PM20D2: variants seen among roughly 807,000 people sequenced by gnomAD.
The protein encoded by PM20D2 is peptidase M20 domain containing 2.
PM20D2 carries 33 observed loss-of-function variants against 42.9 expected under a neutral mutation model. The ratio of observed to expected loss-of-function variants is 0.77; its 90% CI spans 0.58 to 1.03. The LOEUF (loss-of-function observed/expected upper bound fraction) is 1.03, where lower values mean the gene tolerates loss of function less well. PM20D2 is among the 50% of genes least tolerant of loss of function. The pLI, the probability that PM20D2 is intolerant of heterozygous loss-of-function variation, is 0.00. For synonymous variants in PM20D2, 250 were observed against 228.2 expected (o/e 1.10, Z -0.86); for missense variants, 548 against 557.0 (o/e 0.98, Z 0.16).
the PM20D2 span, among the ~76,000 whole-genome samples, chr6:89,130,810 C>CTGCTGCTGCT: frequency 1.6e-4 from 9 of 57,626 alleles, no homozygotes; most frequent in African/African-American, 5.5e-4. Context: ...TTGTATCTGG[C>CTGCTGCTGCT]TTCTTCTTCT....
the PM20D2 span, among the ~76,000 whole-genome samples, chr6:89,114,524 G>A: frequency 6.6e-6 from 1 of 151,936 alleles, no homozygotes; most frequent in Admixed American, 6.6e-5. Context: ...CTAGTACACA[G>A]TGAGTATTCA....
At chr6:89,116,434 A>G in the PM20D2 span, among the ~76,000 whole-genome samples, 1 of 152,228 alleles carries the variant, frequency 6.6e-6, no homozygotes, top group African/African-American at 2.4e-5. Flanking sequence ...ACTAAGATAT[A>G]TTAACCACAA....
chr6:89,124,110 G>A, the PM20D2 span, among the ~76,000 whole-genome samples: 4 of 152,250 alleles, frequency 2.6e-5, no homozygotes, highest in South Asian at 6.2e-4. Context: ...CTCCAAGCCT[G>A]CTCTCTCTTA....
At chr6:89,106,262 G>A in the PM20D2 span, among the ~76,000 whole-genome samples, 5 of 139,322 alleles carry the variant, frequency 3.6e-5, no homozygotes, top group Non-Finnish European at 7.8e-5. Flanking sequence ...ACAGGTGCCC[G>A]GCACCACACC....
the PM20D2 span, among the ~76,000 whole-genome samples, chr6:89,132,613 A>C: frequency 6.6e-6 from 1 of 151,266 alleles, no homozygotes; most frequent in Non-Finnish European, 1.5e-5. Context: ...TGGGAGGCTG[A>C]GGCGGGCAGA....
chr6:89,140,513 T>A, the PM20D2 span, among the ~76,000 whole-genome samples: 1 of 152,184 alleles, frequency 6.6e-6, no homozygotes, highest in Non-Finnish European at 1.5e-5. Flanking sequence ...CTTCAAGGAC[T>A]TTAAAAGCAC....
At chr6:89,112,285 C>T in the PM20D2 span, among the ~76,000 whole-genome samples, 40 of 152,218 alleles carry the variant, frequency 2.6e-4, no homozygotes, top group Non-Finnish European at 5.0e-4. Flanking sequence ...TACACTAATT[C>T]ACAAAGCCTT....
the PM20D2 span, among the ~76,000 whole-genome samples, chr6:89,100,056 G>C: frequency 6.6e-6 from 1 of 152,042 alleles, no homozygotes; most frequent in African/African-American, 2.4e-5. Context: ...TACCAAAATG[G>C]GTGGGACACG....
chr6:89,114,372 G>A, the PM20D2 span, among the ~76,000 whole-genome samples: 1 of 152,186 alleles, frequency 6.6e-6, no homozygotes, highest in Admixed American at 6.5e-5. Flanking sequence ...AGGTTGCAGT[G>A]AGCCGAGATC....
At chr6:89,098,613 T>G in the PM20D2 span, 1 of 1,613,590 alleles carries the variant, frequency 6.2e-7, no homozygotes, top group Non-Finnish European at 8.5e-7. Context: ...CTTCGAGATC[T>G]GGAATGTGAC....
rs961093637 is a variant in PM20D2, at chr6:89,164,561, T to C, written c.*2298T>C. The C allele has an allele frequency of 7.2e-5, 11 of 152,530 alleles. No individual in the cohort carries two copies. Among genetic ancestry groups the C allele is most frequent in the African/African-American group, 2.7e-4 (11 of 41,416 alleles). 9.4% of individuals were successfully genotyped at this position (152,530 alleles called of 1,614,324 possible). ...GCGTGGACTTAAAACAAGGCTTGCT[T>C]ATTTGGTTTTGTCAAAGTTTTACGA... On this transcript the variant is annotated 3_prime_UTR_variant, in exon 7 of 7. Transcript: ENST00000275072.
chr6:89,116,904 G>A, the PM20D2 span, among the ~76,000 whole-genome samples: 1 of 152,048 alleles, frequency 6.6e-6, no homozygotes, highest in African/African-American at 2.4e-5. Context: ...TCTGGCCCCA[G>A]GTAAATCATT....
chr6:89,162,297 G>A lies in PM20D2; in HGVS notation c.*34G>A, dbSNP rs371538561. 1.1e-5 allele frequency: 17 copies of A among 1,561,558 alleles called. No homozygotes were observed. Among genetic ancestry groups the A allele is most frequent in the Admixed American group, 1.0e-4 (5 of 49,814 alleles). On this transcript the variant is annotated 3_prime_UTR_variant, in exon 7 of 7. Transcript: ENST00000275072. ...GGGGCCACTTATAAATCAAGAAGAC[G>A]TGATGATTTTTTTCTTTTAATCTCT...
At chr6:89,102,045 GA>G in the PM20D2 span, among the ~76,000 whole-genome samples, 1 of 151,020 alleles carries the variant, frequency 6.6e-6, no homozygotes, top group Non-Finnish European at 1.5e-5. Context: ...TTAGACTGAA[GA>G]AAAATGATAC....
rs1224678982 is a variant in PM20D2 at position 89,154,917 on chromosome 6, AAGTT to A, written c.912+17_912+20del. Reference sequence around the variant, plus strand: ...CAGGGTGCACAGTAAGAACTTTTAAAAGTTAATCTAAGTTACAATCAGAGGTATA... The same window carrying A: ...CAGGGTGCACAGTAAGAACTTTTAAAAATCTAAGTTACAATCAGAGGTATA... On this transcript the variant is annotated intron_variant, in intron 4 of 6. Transcript: ENST00000275072. 6.4e-7 allele frequency: 1 copy of A among 1,551,258 alleles called. No homozygotes were observed. The highest frequency in any genetic ancestry group is 8.7e-7 in the Non-Finnish European group (1 of 1,151,822).
chr6:89,140,573 A>G, the PM20D2 span, among the ~76,000 whole-genome samples: 14 of 152,298 alleles, frequency 9.2e-5, no homozygotes, highest in Admixed American at 6.5e-4. Flanking sequence ...GGGGCAGTCA[A>G]AGTTCTCCAC....
chr6:89,115,471 G>A, the PM20D2 span, among the ~76,000 whole-genome samples: 1 of 151,658 alleles, frequency 6.6e-6, no homozygotes, highest in Non-Finnish European at 1.5e-5. Context: ...TAGTACAGAC[G>A]GGGTTTCACC....
the PM20D2 span, among the ~76,000 whole-genome samples, chr6:89,141,046 CTCA>C: frequency 0.024 from 3,713 of 152,220 alleles, 74 homozygotes; most frequent in African/African-American, 0.045. Context: ...TATACCATTA[CTCA>C]TACTAGCTAT....
At chr6:89,095,147 T>C in the PM20D2 span, among the ~76,000 whole-genome samples, 6 of 152,168 alleles carry the variant, frequency 3.9e-5, no homozygotes, top group African/African-American at 1.4e-4. Context: ...AAGTAACATA[T>C]ATCTATCTAT....
Sources: gnomAD v4.1 joint callset for allele counts (sites outside exome capture counted in the v4.1 genomes callset) on GRCh38, gnomAD v4.1.1 for gene constraint, MANE v1.5 for transcripts, NCBI Gene and HGNC (gene_info 2026-07-23, HGNC 2026-07-21) for gene names.